Variants in TMEM117 observed in about 807,000 individuals in gnomAD.
The protein encoded by TMEM117 is transmembrane protein 117.
A neutral mutation model predicts 52.4 loss-of-function variants in TMEM117; 27 were observed. The ratio of observed to expected loss-of-function variants is 0.51; its 90% CI spans 0.38 to 0.71. The LOEUF is 0.71. Among genes scored for constraint, TMEM117 ranks in the 30% least tolerant of loss-of-function variants. The pLI, the probability that TMEM117 is intolerant of heterozygous loss-of-function variation, is 0.00. For missense variants in TMEM117, 556 were observed against 630.5 expected, an observed-to-expected ratio of 0.88 and a Z score of 1.26; for synonymous variants, 215 against 206.3, an observed-to-expected ratio of 1.04 and a Z score of -0.36.
chr12:44,375,841 G>A (rs928797742), intron 6 of TMEM117, among the ~76,000 whole-genome samples: 2 of 151,962 alleles, frequency 1.3e-5, no homozygotes, highest in Non-Finnish European at 2.9e-5. Flanking sequence ...CTTTACTTTG[G>A]TGCCTCTATC....
chr12:43,946,745 C>T (rs1945140199), intron 3 of TMEM117, among the ~76,000 whole-genome samples: 1 of 152,104 alleles, frequency 6.6e-6, no homozygotes, highest in Non-Finnish European at 1.5e-5. Context: ...ATCCTATTAG[C>T]CTTTCTCTGT....
chr12:43,831,420 A>C (rs1942981294), upstream of TMEM117, among the ~76,000 whole-genome samples: 1 of 151,996 alleles, frequency 6.6e-6, no homozygotes, highest in African/African-American at 2.4e-5. Context: ...CAATTTTTGA[A>C]ATGTACATTG....
intron 3 of TMEM117, among the ~76,000 whole-genome samples, chr12:44,105,376 T>C (rs1947935355): frequency 6.6e-6 from 1 of 152,068 alleles, no homozygotes. Context: ...TTGTCTACTT[T>C]CTCTATTAGA....
chr12:44,268,879 C>T (rs146230196), intron 5 of TMEM117, among the ~76,000 whole-genome samples: 12 of 152,226 alleles, frequency 7.9e-5, no homozygotes, highest in African/African-American at 2.9e-4. Context: ...TGTTTCCCTC[C>T]CAGATCACAG....
intron 4 of TMEM117, among the ~76,000 whole-genome samples, chr12:44,206,109 T>A (rs1447060386): frequency 6.6e-6 from 1 of 152,210 alleles, no homozygotes; most frequent in African/African-American, 2.4e-5. Flanking sequence ...AATTTTATTT[T>A]ATTTTATTAT....
At chr12:43,924,391 G>A (rs1325887391) in intron 2 of TMEM117, among the ~76,000 whole-genome samples, 1 of 152,090 alleles carries the variant, frequency 6.6e-6, no homozygotes, top group Non-Finnish European at 1.5e-5. Context: ...TCAACATTCT[G>A]ACTGAAAGGA....
chr12:44,352,636 T>A (rs1951581258), intron 6 of TMEM117, among the ~76,000 whole-genome samples: 1 of 152,176 alleles, frequency 6.6e-6, no homozygotes, highest in Non-Finnish European at 1.5e-5. Context: ...CATCATTTTT[T>A]ATGGCTGCTT....
chr12:44,308,357 T>G (rs1950929626), intron 6 of TMEM117, among the ~76,000 whole-genome samples: 1 of 152,170 alleles, frequency 6.6e-6, no homozygotes, highest in East Asian at 1.9e-4. Context: ...CTGAAAAGAA[T>G]ATTTCAGCCC....
intron 3 of TMEM117, among the ~76,000 whole-genome samples, chr12:44,078,800 G>C (rs1250134724): frequency 6.6e-6 from 1 of 151,826 alleles, no homozygotes. Context: ...ATGGTGGTTT[G>C]CTGCAGCCAT....
intron 5 of TMEM117, among the ~76,000 whole-genome samples, chr12:44,224,365 C>T (rs937138722): frequency 2.0e-5 from 3 of 152,070 alleles, no homozygotes; most frequent in Non-Finnish European, 4.4e-5. Flanking sequence ...TAAATTAGAC[C>T]TTTTTGTCCC....
intron 4 of TMEM117, among the ~76,000 whole-genome samples, chr12:44,173,465 G>T (rs1949076947): frequency 6.7e-6 from 1 of 149,866 alleles, no homozygotes; most frequent in South Asian, 2.1e-4. Flanking sequence ...TTTTACAGTT[G>T]GGGGCCATTT....
At chr12:43,925,678 G>A (rs1944767613) in intron 2 of TMEM117, among the ~76,000 whole-genome samples, 1 of 152,100 alleles carries the variant, frequency 6.6e-6, no homozygotes, top group Non-Finnish European at 1.5e-5. Context: ...AAAAACCTGT[G>A]CTTATTTCCA....
At chr12:43,815,636 C>T in the TMEM117 span, among the ~76,000 whole-genome samples, 1 of 152,348 alleles carries the variant, frequency 6.6e-6, no homozygotes, top group African/African-American at 2.4e-5. Flanking sequence ...AGGTGAAGAA[C>T]CCAAAGCTGT....
intron 4 of TMEM117, among the ~76,000 whole-genome samples, chr12:44,159,185 G>A (rs767821136): frequency 3.7e-4 from 57 of 152,180 alleles, no homozygotes; most frequent in Non-Finnish European, 5.4e-4. Context: ...ATCACCAAAT[G>A]TTGCAGCCAT....
chr12:43,871,198 G>T (rs1432889278), intron 2 of TMEM117, among the ~76,000 whole-genome samples: 1 of 151,988 alleles, frequency 6.6e-6, no homozygotes, highest in African/African-American at 2.4e-5. Context: ...TGCCTCCTGG[G>T]TTCAAGTGAT....
chr12:43,984,470 T>C (rs758506241), intron 3 of TMEM117, among the ~76,000 whole-genome samples: 1 of 152,174 alleles, frequency 6.6e-6, no homozygotes, highest in Non-Finnish European at 1.5e-5. Flanking sequence ...CTATATTACA[T>C]TGAGATAGTG....
At chr12:43,896,039 A>C (rs1592341848) in intron 2 of TMEM117, among the ~76,000 whole-genome samples, 1 of 152,202 alleles carries the variant, frequency 6.6e-6, no homozygotes, top group African/African-American at 2.4e-5. Context: ...TGCCTTTCCC[A>C]GTCCTCTGAC....
chr12:44,323,413 C>CT (rs1428128915), intron 6 of TMEM117, among the ~76,000 whole-genome samples: 1 of 152,128 alleles, frequency 6.6e-6, no homozygotes. Flanking sequence ...CCCTATTGCT[C>CT]TTTTTTTATT....
At chr12:43,827,312 G>C in the TMEM117 span, among the ~76,000 whole-genome samples, 1 of 152,048 alleles carries the variant, frequency 6.6e-6, no homozygotes, top group Non-Finnish European at 1.5e-5. Context: ...ATTAGAATAA[G>C]CTGTTTGAGC....
Sources: gnomAD v4.1 joint callset for allele counts (sites outside exome capture counted in the v4.1 genomes callset) on GRCh38, gnomAD v4.1.1 for gene constraint, MANE v1.5 for transcripts, NCBI Gene and HGNC (gene_info 2026-07-23, HGNC 2026-07-21) for gene names.